VPS39: variants seen among roughly 807,000 people sequenced by gnomAD.
VPS39 encodes vam6/Vps39-like protein.
VPS39 carries 70 observed loss-of-function variants against 121.0 expected under a neutral mutation model. The ratio of observed to expected loss-of-function variants is 0.58; its 90% CI spans 0.48 to 0.71. The LOEUF is 0.71. Among genes scored for constraint, VPS39 ranks in the 30% least tolerant of loss-of-function variants. VPS39 has a pLI of 0.00. For missense variants in VPS39, 818 were observed against 1,051.5 expected (o/e 0.78, Z 3.07); for synonymous variants, 378 against 398.1 (o/e 0.95, Z 0.60).
intron 8 of VPS39, among the ~76,000 whole-genome samples, chr15:42,183,782 T>A (rs1263293958): frequency 6.6e-6 from 1 of 152,218 alleles, no homozygotes; most frequent in Admixed American, 6.5e-5. Context: ...TTGTTTTGTC[T>A]CTTTATCCAA....
At chr15:42,166,311 C>CCA in intron 15 of VPS39, 79 bp from the exon 16 acceptor site, 1 of 1,445,420 alleles carries the variant, frequency 6.9e-7, no homozygotes, top group Non-Finnish European at 9.7e-7. Context: ...GGCAGGTTGC[C>CCA]CCAGAATTCA....
intron 5 of VPS39, 137 bp downstream of exon 5, chr15:42,188,977 A>G (rs2049764076): frequency 3.1e-6 from 2 of 642,302 alleles, no homozygotes; most frequent in Non-Finnish European, 2.7e-6. Context: ...GGAAAAAAAT[A>G]AATAAATAAA....
At chr15:42,165,598 C>T in intron 17 of VPS39, 120 bp downstream of exon 17, 1 of 753,982 alleles carries the variant, frequency 1.3e-6, no homozygotes, top group African/African-American at 1.8e-5. Flanking sequence ...GCTGAAATAA[C>T]CCTCATCCTT....
chr15:42,178,172 T>C, intron 10 of VPS39, 46 bp downstream of exon 10: 1 of 1,608,300 alleles, frequency 6.2e-7, no homozygotes, highest in South Asian at 1.1e-5. Flanking sequence ...AATCACCTAC[T>C]TTCAAGAACA....
intron 1 of VPS39, among the ~76,000 whole-genome samples, chr15:42,204,995 A>G (rs1288116802): frequency 6.6e-6 from 1 of 152,180 alleles, no homozygotes; most frequent in African/African-American, 2.4e-5. Flanking sequence ...GTGACCTTGG[A>G]AAAATTTCTT....
chr15:42,162,874 G>A (rs377753117), intron 21 of VPS39, among the ~76,000 whole-genome samples: 2 of 152,166 alleles, frequency 1.3e-5, no homozygotes, highest in South Asian at 2.1e-4. Flanking sequence ...ACAGGCTTTC[G>A]CAACCTCAGT....
At position 42,164,357 on chromosome 15, in the gene VPS39, CCAT is replaced by C. The variant is rs1410547743; in HGVS notation, c.2024_2026del (p.Asp675del). ...CTTCTGGCCCTAAGCCAGACACTCA[CCAT>C]CAAAGGGAAAATCACAGATGAGCCG... On this transcript the variant is annotated inframe_deletion and splice_region_variant, in exon 19 of 25. Transcript: ENST00000318006. The C allele has an allele frequency of 3.1e-6, 5 of 1,613,944 alleles. No homozygotes were observed. The East Asian group carries it at 1.1e-4, about 36-fold the overall frequency.
rs1206627544 is a variant in VPS39 at position 42,165,712 on chromosome 15, C to G, written c.1779+6G>C. The G allele has an allele frequency of 6.8e-6, 11 of 1,613,394 alleles. No individual in the cohort carries two copies. Among genetic ancestry groups the G allele is most frequent in the African/African-American group, 1.3e-5 (1 of 74,906 alleles). ...GCTTTTTAGTGCAGACCAAAAAATA[C>G]CTTACCAGATAAGGAATAGCCAGAC... On this transcript the variant is annotated splice_donor_region_variant and intron_variant, in intron 17 of 24. Transcript: ENST00000318006.
At chr15:42,189,874 T>C (rs1350028100) in intron 4 of VPS39, among the ~76,000 whole-genome samples, 2 of 121,006 alleles carry the variant, frequency 1.7e-5, no homozygotes, top group African/African-American at 3.1e-5. Flanking sequence ...AAAAGGGGCA[T>C]GATCTCAGCT....
chr15:42,172,940 A>C (rs1474426416), intron 11 of VPS39, among the ~76,000 whole-genome samples: 1 of 152,208 alleles, frequency 6.6e-6, no homozygotes, highest in African/African-American at 2.4e-5. Flanking sequence ...GCCAAGGTTG[A>C]GGAATGGTGG....
chr15:42,179,018 AAAAT>A (rs1392148845), intron 8 of VPS39: 1 of 155,666 alleles, frequency 6.4e-6, no homozygotes, highest in African/African-American at 2.4e-5. Context: ...AAAAAAAAGA[AAAAT>A]AAAAAAAAAT....
rs1376677378 is a variant in VPS39, at chr15:42,165,044, C to G, written c.1849G>C (p.Glu617Gln). 2 of 1,614,246 alleles carry G rather than the reference C, an allele frequency of 1.2e-6. No homozygotes were observed. The highest frequency in any genetic ancestry group is 8.5e-7 in the Non-Finnish European group (1 of 1,180,050). The change falls in exon 18 of 25, where the codon GAG (glutamate) becomes CAG (glutamine). Residue 617 changes from glutamate (E) to glutamine (Q), a missense_variant. Coordinates refer to ENST00000318006, the MANE Select transcript of VPS39 (RefSeq NM_015289.5). ...FHNCLIQLYC[E>Q]KVQGLMKEYL... ...TCCTTCATCAGACCTTGCACCTTCT[C>G]ACAGTATAGCTGGATCAGGCAGTTG...
At chr15:42,181,696 A>G (rs2049583690) in intron 8 of VPS39, among the ~76,000 whole-genome samples, 1 of 152,088 alleles carries the variant, frequency 6.6e-6, no homozygotes, top group African/African-American at 2.4e-5. Context: ...TAATTTGCTA[A>G]TATTTCTAAT....
intron 5 of VPS39, among the ~76,000 whole-genome samples, chr15:42,188,642 T>G (rs994045719): frequency 2.6e-5 from 4 of 152,118 alleles, no homozygotes; most frequent in Non-Finnish European, 5.9e-5. Flanking sequence ...CTTCACACTA[T>G]GCACCAACAG....
intron 2 of VPS39, chr15:42,192,233 GAGCAGCTATCATGA>G: frequency 8.1e-6 from 7 of 866,828 alleles, no homozygotes; most frequent in Non-Finnish European, 1.3e-5. Context: ...ATCATCATCA[GAGCAGCTATCATGA>G]AGCAATAACT....
At chr15:42,200,908 G>A (rs1225582265) in intron 1 of VPS39, among the ~76,000 whole-genome samples, 1 of 152,166 alleles carries the variant, frequency 6.6e-6, no homozygotes. Flanking sequence ...CTACAACACA[G>A]ATGAACCTAA....
chr15:42,160,752 G>A lies in VPS39; in HGVS notation c.*2C>T. ...ATCCGCTGGATCCCCAGGATGCTGG[G>A]CTCAAGTGTCAGCTGGGTTTACCTC... On this transcript the variant is annotated 3_prime_UTR_variant, in exon 25 of 25. Coordinates refer to ENST00000318006, the MANE Select transcript of VPS39 (RefSeq NM_015289.5). 6.2e-7 allele frequency: 1 copy of A among 1,613,884 alleles called. No individual in the cohort carries two copies.
intron 7 of VPS39, among the ~76,000 whole-genome samples, chr15:42,185,544 T>C (rs1321871431): frequency 6.6e-6 from 1 of 152,172 alleles, no homozygotes. Context: ...TAGACTACTA[T>C]TCAGCCATGA....
At chr15:42,182,420 T>C (rs1425640529) in intron 8 of VPS39, among the ~76,000 whole-genome samples, 1 of 152,222 alleles carries the variant, frequency 6.6e-6, no homozygotes, top group Non-Finnish European at 1.5e-5. Context: ...TTGTTGACAA[T>C]AGAGATGGTC....
Sources: gnomAD v4.1 joint callset for allele counts (sites outside exome capture counted in the v4.1 genomes callset) on GRCh38, gnomAD v4.1.1 for gene constraint, MANE v1.5 for transcripts, NCBI Gene and HGNC (gene_info 2026-07-23, HGNC 2026-07-21) for gene names.